The following HAUS6 variants were observed in gnomAD, a reference collection of about 807,000 sequenced individuals.
HAUS6 encodes HAUS augmin-like complex subunit 6.
In HAUS6, 80 loss-of-function variants were observed where a neutral mutation model predicts 106.8. The observed-to-expected ratio is 0.75, with a 90% CI of 0.63 to 0.90. The LOEUF is 0.90. Ranked by LOEUF, HAUS6 falls within the 40% of genes least tolerant of loss-of-function variation. The pLI, the probability that HAUS6 is intolerant of heterozygous loss-of-function variation, is 0.00. For synonymous variants in HAUS6, 356 were observed against 379.1 expected, an observed-to-expected ratio of 0.94 and a Z score of 0.71; for missense variants, 1,155 against 1,118.1, an observed-to-expected ratio of 1.03 and a Z score of -0.47.
intron 14 of HAUS6, among the ~76,000 whole-genome samples, chr9:19,061,668 C>G (rs1409533112): frequency 2.0e-5 from 3 of 152,128 alleles, no homozygotes; most frequent in Non-Finnish European, 4.4e-5. Context: ...GTTCCCAACT[C>G]TACAAAAAAT....
At chr9:19,098,994 G>C (rs1817924542) in intron 1 of HAUS6, among the ~76,000 whole-genome samples, 1 of 141,554 alleles carries the variant, frequency 7.1e-6, no homozygotes, top group South Asian at 2.3e-4. Flanking sequence ...TCCAGCCTGG[G>C]CAACAAGAGC....
chr9:19,079,941 G>A lies in HAUS6; in HGVS notation c.1064+538C>T, dbSNP rs572705544. Among the ~76,000 whole-genome samples the A allele has an allele frequency of 2.6e-3, 391 of 150,862 alleles. 6 individuals are homozygous for A. The South Asian group carries it at 0.031, about 12-fold the overall frequency. On this transcript the variant is annotated intron_variant, in intron 9 of 16. Transcript: ENST00000380502. The stretch of plus-strand genomic sequence containing the variant: ...TGTAATCCCAGCACTTTGGGAGGCC[G>A]AGGCAGGTGGATCATCTGAGGTCGG...
At chr9:19,086,682 C>T (rs186838011) in intron 7 of HAUS6, 52 bp downstream of exon 7, 76 of 787,826 alleles carry the variant, frequency 9.6e-5, no homozygotes, top group Admixed American at 1.3e-4. Context: ...GCAAACACTG[C>T]GTATCACAGA....
chr9:19,078,434 T>C (rs1028817416), intron 9 of HAUS6, 132 bp from the exon 10 acceptor site: 1 of 583,820 alleles, frequency 1.7e-6, no homozygotes, highest in African/African-American at 1.9e-5. Context: ...ATACCACATA[T>C]AAATTAAATA....
Position 19,102,684 on chromosome 9 carries a change from A to C in HAUS6, c.-33T>G, listed in dbSNP as rs774907796. ...GTAGGCACGGTGGCTGCAAAGAAAG[A>C]AAGCGCAAGCCCAGGGGACTCGGAG... On this transcript the variant is annotated 5_prime_UTR_variant, in exon 1 of 17. Transcript: ENST00000380502. 6.9e-6 allele frequency: 11 copies of C among 1,602,936 alleles called. No homozygotes were observed. The highest frequency in any genetic ancestry group is 2.1e-4 in the Middle Eastern group (1 of 4,874).
chr9:19,095,845 A>G (rs1817849525), intron 2 of HAUS6, among the ~76,000 whole-genome samples: 1 of 152,152 alleles, frequency 6.6e-6, no homozygotes, highest in South Asian at 2.1e-4. Context: ...TTAAACTAAT[A>G]TTCAATAGCA....
In HAUS6 at chr9:19,080,669, G is replaced by A. The variant is rs890977053; in HGVS notation, c.874C>T (p.His292Tyr). The A allele has an allele frequency of 6.3e-7, 1 of 1,592,570 alleles. No homozygotes were observed. The highest frequency in any genetic ancestry group is 8.6e-7 in the Non-Finnish European group (1 of 1,163,536). ...DKIEKQMFQL[H>Y]IGNVYEAGKL... ...CCAGCCTCATAAACATTTCCTATGT[G>A]CAACTAAGGAATCAGGAGGAGAAAA... The change falls in exon 9 of 17, where the codon CAC becomes TAC. Residue 292 changes from histidine to tyrosine, a missense_variant. Around this residue, in one of 3 missense-constraint regions of HAUS6, gnomAD observed 761 missense variants for 690.0 expected, o/e 1.10. Coordinates refer to ENST00000380502, the MANE Select transcript of HAUS6 (RefSeq NM_017645.5).
rs753857767 is a variant in HAUS6 at position 19,057,985 on chromosome 9, G to C, written c.2782C>G (p.Leu928Val). Residue 928 changes from leucine (L) to valine (V), a missense_variant, in exon 16 of 17, where the codon CTT (leucine) becomes GTT (valine). Around this residue, in one of 3 missense-constraint regions of HAUS6, gnomAD observed 380 missense variants for 394.8 expected, o/e 0.96. Transcript: ENST00000380502. Reference protein sequence around the residue: ...QRLRTTIACSLGELPNLKEED... With the variant: ...QRLRTTIACSVGELPNLKEED... Reference sequence around the variant, plus strand: ...CCCTTTAAATTAGGTAGTTCTCCAAGACTACATGCTATTGTGGTTCTCAAT... The same window carrying C: ...CCCTTTAAATTAGGTAGTTCTCCAACACTACATGCTATTGTGGTTCTCAAT... 48 of 1,605,794 alleles carry C rather than the reference G, an allele frequency of 3.0e-5. No individual in the cohort carries two copies. In the South Asian group the frequency reaches 4.8e-4, roughly 16 times the overall value.
chr9:19,069,785 TA>T (rs1024860344), intron 12 of HAUS6, among the ~76,000 whole-genome samples: 3 of 151,460 alleles, frequency 2.0e-5, no homozygotes, highest in African/African-American at 7.3e-5. Flanking sequence ...AATTAATATA[TA>T]AAAAAATCAA....
chr9:19,079,098 A>G (rs1424954949), intron 9 of HAUS6, among the ~76,000 whole-genome samples: 1 of 149,462 alleles, frequency 6.7e-6, no homozygotes, highest in Non-Finnish European at 1.5e-5. Flanking sequence ...CAGGAGGCAG[A>G]CGTTGCAGAA....
intron 13 of HAUS6, 135 bp from the exon 14 acceptor site, chr9:19,063,328 G>T: frequency 1.5e-6 from 1 of 688,696 alleles, no homozygotes; most frequent in Non-Finnish European, 2.4e-6. Flanking sequence ...TATGTCACTG[G>T]CAGAATTAAC....
intron 6 of HAUS6, 151 bp downstream of exon 6, chr9:19,086,940 A>C (rs1450766435): frequency 1.6e-6 from 1 of 621,474 alleles, no homozygotes; most frequent in Non-Finnish European, 2.9e-6. Flanking sequence ...GGAAAACTGG[A>C]TTAGCAGTCA....
At chr9:19,075,738 G>C (rs918565235) in intron 11 of HAUS6, among the ~76,000 whole-genome samples, 6 of 152,066 alleles carry the variant, frequency 3.9e-5, no homozygotes, top group Admixed American at 2.6e-4. Flanking sequence ...CGGATCATTC[G>C]AGGTCAGGAG....
chr9:19,093,960 A>G (rs188319315), intron 3 of HAUS6, among the ~76,000 whole-genome samples: 97 of 152,360 alleles, frequency 6.4e-4, no homozygotes, highest in African/African-American at 2.3e-3. Flanking sequence ...TCTAAACTCT[A>G]CGTGGACCTG....
Position 19,089,536 on chromosome 9 carries a change from T to A in HAUS6, c.460A>T (p.Thr154Ser). The A allele has an allele frequency of 6.2e-7, 1 of 1,610,906 alleles. No homozygotes were observed. Among genetic ancestry groups the A allele is most frequent in the Non-Finnish European group, 8.5e-7 (1 of 1,177,446 alleles). Residue 154 changes from threonine (T) to serine (S), a missense_variant, in exon 5 of 17, where the codon ACA (threonine) becomes TCA (serine). Around this residue, in one of 3 missense-constraint regions of HAUS6, gnomAD observed 761 missense variants for 690.0 expected, o/e 1.10. Coordinates refer to ENST00000380502, the MANE Select transcript of HAUS6 (RefSeq NM_017645.5). ...SKNSSHHFVE[T>S]FNIKPQDLHK... ...AAGTCCTGTGGTTTTATGTTAAATG[T>A]CTCTACAAAATGATGAGAAGAATCT... is the stretch of plus-strand genomic sequence containing the variant.
At chr9:19,064,334 T>C (rs1270507248) in intron 12 of HAUS6, among the ~76,000 whole-genome samples, 1 of 152,348 alleles carries the variant, frequency 6.6e-6, no homozygotes, top group East Asian at 1.9e-4. Flanking sequence ...ATGCTAAATT[T>C]TACTCTATAG....
chr9:19,062,903 T>C, intron 14 of HAUS6, 105 bp downstream of exon 14: 2 of 832,710 alleles, frequency 2.4e-6, no homozygotes, highest in South Asian at 3.1e-5. Flanking sequence ...TGGGCTCAAA[T>C]GTTCCTCTTG....
chr9:19,082,806 T>C (rs1837188650), intron 8 of HAUS6, 67 bp downstream of exon 8: 6 of 807,692 alleles, frequency 7.4e-6, no homozygotes, highest in East Asian at 3.0e-5. Flanking sequence ...CAGAAGAACA[T>C]TGCAAGAAAA....
chr9:19,074,381 C>G (rs191390431), intron 11 of HAUS6, among the ~76,000 whole-genome samples: 3 of 152,230 alleles, frequency 2.0e-5, no homozygotes, highest in Admixed American at 1.3e-4. Flanking sequence ...AAATGATTCT[C>G]CTGCCTCAGC....
Sources: gnomAD v4.1 joint callset for allele counts (sites outside exome capture counted in the v4.1 genomes callset) on GRCh38, gnomAD v4.1.1 for gene constraint, gnomAD v4.1.1 regional missense constraint, MANE v1.5 for transcripts, NCBI Gene and HGNC (gene_info 2026-07-23, HGNC 2026-07-21) for gene names.